Variants in ALK observed in about 807,000 individuals in gnomAD.
ALK encodes the protein ALK receptor tyrosine kinase.
In ALK, 74 loss-of-function variants were observed where a neutral mutation model predicts 163.1. The observed-to-expected ratio is 0.45, with a 90% CI of 0.38 to 0.55. The LOEUF is 0.55. Among genes scored for constraint, ALK ranks in the 20% least tolerant of loss-of-function variants. The pLI, the probability that ALK is intolerant of heterozygous loss-of-function variation, is 0.00. For synonymous variants in ALK, 960 were observed against 843.2 expected (o/e 1.14, Z -2.40); for missense variants, 2,063 against 2,105.3 (o/e 0.98, Z 0.39).
At chr2:29,596,594 T>C (rs999800323) in intron 3 of ALK, among the ~76,000 whole-genome samples, 1 of 151,996 alleles carries the variant, frequency 6.6e-6, no homozygotes, top group African/African-American at 2.4e-5. Context: ...AAGGGGAAGC[T>C]AGAGAGGTGA....
chr2:29,783,302 C>T (rs1279018303), intron 1 of ALK, among the ~76,000 whole-genome samples: 1 of 152,158 alleles, frequency 6.6e-6, no homozygotes, highest in African/African-American at 2.4e-5. Context: ...TTTTCAAATG[C>T]CTGGAATACT....
chr2:29,631,182 A>T (rs954612678), intron 3 of ALK, among the ~76,000 whole-genome samples: 2 of 152,250 alleles, frequency 1.3e-5, no homozygotes, highest in Admixed American at 6.5e-5. Flanking sequence ...GCTCATTTTC[A>T]TTTGAGAAAA....
At chr2:29,629,894 A>T (rs1463392631) in intron 3 of ALK, among the ~76,000 whole-genome samples, 1 of 152,214 alleles carries the variant, frequency 6.6e-6, no homozygotes, top group African/African-American at 2.4e-5. Context: ...CCATGAAGCC[A>T]ATTGGAAGTA....
chr2:29,802,155 A>C (rs1664483036), intron 1 of ALK, among the ~76,000 whole-genome samples: 3 of 151,948 alleles, frequency 2.0e-5, no homozygotes, highest in Admixed American at 2.0e-4. Context: ...AAACCCATGC[A>C]TGTCTCCCAA....
intron 1 of ALK, among the ~76,000 whole-genome samples, chr2:29,819,275 A>G (rs1664980171): frequency 6.6e-6 from 1 of 152,206 alleles, no homozygotes; most frequent in South Asian, 2.1e-4. Flanking sequence ...CTATGTGTAA[A>G]GCACTAAGAA....
At chr2:29,556,062 T>G (rs1257281588) in intron 3 of ALK, among the ~76,000 whole-genome samples, 1 of 152,156 alleles carries the variant, frequency 6.6e-6, no homozygotes, top group Non-Finnish European at 1.5e-5. Context: ...AGTGAGGAGA[T>G]GGTCAAAATG....
At chr2:29,569,819 T>C (rs893157905) in intron 3 of ALK, among the ~76,000 whole-genome samples, 1 of 152,178 alleles carries the variant, frequency 6.6e-6, no homozygotes, top group African/African-American at 2.4e-5. Flanking sequence ...CAGGGGTCCC[T>C]GGAACCCCAC....
chr2:29,869,492 GCATCA>G (rs758837459), intron 1 of ALK, among the ~76,000 whole-genome samples: 5 of 152,124 alleles, frequency 3.3e-5, no homozygotes, highest in Non-Finnish European at 7.4e-5. Flanking sequence ...GTTAAAGGAA[GCATCA>G]CAAATCAGTA....
At chr2:29,616,584 G>T (rs1427886565) in intron 3 of ALK, among the ~76,000 whole-genome samples, 1 of 152,152 alleles carries the variant, frequency 6.6e-6, no homozygotes, top group Non-Finnish European at 1.5e-5. Flanking sequence ...GAGGGCTCTG[G>T]ACTCAGTGAG....
At chr2:29,194,693 T>C (rs1668980256) in intron 28 of ALK, among the ~76,000 whole-genome samples, 1 of 135,802 alleles carries the variant, frequency 7.4e-6, no homozygotes, top group Non-Finnish European at 1.6e-5. Flanking sequence ...TTTGTGTTTT[T>C]AGTAGAGACA....
chr2:29,211,891 TG>T (rs1168127510), intron 24 of ALK, among the ~76,000 whole-genome samples: 2 of 152,252 alleles, frequency 1.3e-5, no homozygotes, highest in Admixed American at 1.3e-4. Flanking sequence ...ATGATTACTC[TG>T]GGATCTAATT....
chr2:29,903,923 G>A (rs909785668), intron 1 of ALK, among the ~76,000 whole-genome samples: 3 of 152,108 alleles, frequency 2.0e-5, no homozygotes, highest in African/African-American at 7.2e-5. Flanking sequence ...TAGAATCATA[G>A]GATTTTAATA....
chr2:29,726,708 C>G (rs1679586558), intron 1 of ALK, among the ~76,000 whole-genome samples: 1 of 152,180 alleles, frequency 6.6e-6, no homozygotes, highest in Admixed American at 6.5e-5. Context: ...GAAGGGAGCT[C>G]CAGCGTGGAA....
chr2:29,499,570 C>A (rs919868191), intron 4 of ALK, among the ~76,000 whole-genome samples: 1 of 152,178 alleles, frequency 6.6e-6, no homozygotes, highest in Non-Finnish European at 1.5e-5. Context: ...TTTTCTCCCA[C>A]ACATCTCCCT....
At chr2:29,837,372 A>G (rs756977378) in intron 1 of ALK, among the ~76,000 whole-genome samples, 5 of 152,222 alleles carry the variant, frequency 3.3e-5, no homozygotes, top group Non-Finnish European at 5.9e-5. Context: ...CAGTGCAAAC[A>G]ATGAGATCTA....
rs34316026 is a variant in ALK at position 29,201,781 on chromosome 2, T to TA, written c.3939-4106dup. On this transcript the variant is annotated intron_variant, in intron 26 of 28. Transcript: ENST00000389048. ...CAGCCGGGGCGACAGAATGACAGTC[T>TA]AAAAAAAAAAAAAAAAATCTTGAAT... is the stretch of plus-strand genomic sequence containing the variant. Among the ~76,000 whole-genome samples, 1,022 of 138,420 alleles carry TA rather than the reference T, an allele frequency of 7.4e-3. 16 individuals are homozygous for TA. Among genetic ancestry groups the TA allele is most frequent in the African/African-American group, 0.025 (943 of 37,938 alleles). The allele number at this position is 138,420 out of a possible 152,430, so 90.8% of individuals were successfully genotyped here.
rs868211321 is a variant in ALK at position 29,830,744 on chromosome 2, A to C, written c.667+89249T>G. Among the ~76,000 whole-genome samples, 324 of 100,128 alleles carry C rather than the reference A, an allele frequency of 3.2e-3. 4 individuals are homozygous for C. Among genetic ancestry groups the C allele is most frequent in the African/African-American group, 0.011 (303 of 28,714 alleles). The allele number at this position is 100,128 out of a possible 152,430, so 65.7% of individuals were successfully genotyped here. On this transcript the variant is annotated intron_variant, in intron 1 of 28. Transcript: ENST00000389048. The stretch of plus-strand genomic sequence containing the variant: ...AAAAAAAAAAAAAAAAAAAAAAAAA[A>C]AAAAAAAAACTTAGCCAAGCATGGT...
intron 5 of ALK, among the ~76,000 whole-genome samples, chr2:29,360,497 T>A (rs1668361974): frequency 1.3e-5 from 2 of 152,320 alleles, no homozygotes; most frequent in South Asian, 4.1e-4. Flanking sequence ...CTGCCCACGA[T>A]GGATTCTTTC....
At chr2:29,725,087 T>TAA (rs1317680237) in intron 1 of ALK, among the ~76,000 whole-genome samples, 1 of 137,204 alleles carries the variant, frequency 7.3e-6, no homozygotes. Flanking sequence ...TGAGGAATAT[T>TAA]AATAAAGGAA....
Sources: allele counts gnomAD v4.1 joint callset (sites outside exome capture counted in the v4.1 genomes callset), GRCh38; gene constraint gnomAD v4.1.1; transcripts MANE v1.5; gene names NCBI Gene and HGNC (gene_info 2026-07-23, HGNC 2026-07-21).